The following LVRN variants were observed in gnomAD, a reference collection of about 807,000 sequenced individuals.
LVRN encodes aminopeptidase Q.
Under a neutral mutation model 111.4 loss-of-function variants are expected in LVRN, and 99 were observed. The ratio of observed to expected loss-of-function variants is 0.89; its 90% CI spans 0.76 to 1.05. The LOEUF is 1.05. Ranked by LOEUF, LVRN falls within the 50% of genes least tolerant of loss-of-function variation. The pLI is 0.00. For synonymous variants in LVRN, 488 were observed against 449.5 expected (o/e 1.09, Z -1.08); for missense variants, 1,414 against 1,206.8 (o/e 1.17, Z -2.54).
At chr5:115,964,608 T>G (rs1753163956) in intron 1 of LVRN, among the ~76,000 whole-genome samples, 2 of 152,170 alleles carry the variant, frequency 1.3e-5, no homozygotes, top group African/African-American at 2.4e-5. Flanking sequence ...ACTTTTTTTT[T>G]TTTCTTGCTG....
At chr5:115,996,922 G>A (rs1748125375) in intron 6 of LVRN, among the ~76,000 whole-genome samples, 1 of 152,208 alleles carries the variant, frequency 6.6e-6, no homozygotes, top group Non-Finnish European at 1.5e-5. Flanking sequence ...TCATTCAACA[G>A]ATGATAATTG....
chr5:116,019,457 G>C (rs1748668061), intron 18 of LVRN, among the ~76,000 whole-genome samples: 1 of 152,092 alleles, frequency 6.6e-6, no homozygotes, highest in Non-Finnish European at 1.5e-5. Context: ...GTTCACTCTT[G>C]GTGTTGCACA....
chr5:115,974,349 G>T (rs1753391072), intron 1 of LVRN, among the ~76,000 whole-genome samples: 2 of 152,168 alleles, frequency 1.3e-5, no homozygotes, highest in South Asian at 4.1e-4. Flanking sequence ...AATAGTAAAA[G>T]CGTAACACCT....
chr5:115,997,528 G>C (rs1187251488), intron 6 of LVRN, among the ~76,000 whole-genome samples: 1 of 151,990 alleles, frequency 6.6e-6, no homozygotes. Flanking sequence ...GCAGGGCATG[G>C]TGCTGCACCC....
intron 1 of LVRN, among the ~76,000 whole-genome samples, chr5:115,968,950 G>A (rs1753261175): frequency 6.6e-6 from 1 of 152,186 alleles, no homozygotes; most frequent in Non-Finnish European, 1.5e-5. Context: ...GCCGGGCTCA[G>A]AGGACTGGCC....
At chr5:115,985,118 G>A (rs1747827519) in intron 3 of LVRN, among the ~76,000 whole-genome samples, 1 of 152,186 alleles carries the variant, frequency 6.6e-6, no homozygotes, top group Non-Finnish European at 1.5e-5. Context: ...TTAGCAACCA[G>A]CATGGCCAGG....
intron 1 of LVRN, among the ~76,000 whole-genome samples, chr5:115,969,726 G>A (rs897524246): frequency 6.6e-6 from 1 of 151,154 alleles, no homozygotes; most frequent in Non-Finnish European, 1.5e-5. Context: ...CTTGAACTCG[G>A]GAGGCAGAGG....
At chr5:116,021,017 C>T (rs1432771300) in intron 18 of LVRN, 4 of 152,192 alleles carry the variant, frequency 2.6e-5, no homozygotes, top group African/African-American at 9.6e-5. Flanking sequence ...ATTGCTCTCT[C>T]AACAAGAATG....
At chr5:116,019,185 C>T (rs543688335) in intron 18 of LVRN, among the ~76,000 whole-genome samples, 2 of 152,302 alleles carry the variant, frequency 1.3e-5, no homozygotes, top group East Asian at 1.9e-4. Context: ...AGTAGTAACA[C>T]AGCGACAAGT....
chr5:116,013,838 G>C (rs530288783), intron 15 of LVRN, among the ~76,000 whole-genome samples: 23 of 152,224 alleles, frequency 1.5e-4, no homozygotes, highest in Non-Finnish European at 2.8e-4. Context: ...TTGTTTTGAA[G>C]TACAGTGTAC....
intron 1 of LVRN, chr5:115,976,194 T>A (rs559841024): frequency 2.0e-5 from 3 of 152,460 alleles, no homozygotes; most frequent in African/African-American, 7.2e-5. Context: ...TTTGATTCAG[T>A]TCCTCTGCCA....
intron 6 of LVRN, among the ~76,000 whole-genome samples, chr5:115,996,305 A>T (rs1330735021): frequency 6.6e-6 from 1 of 152,202 alleles, no homozygotes; most frequent in East Asian, 1.9e-4. Context: ...CTTGCCAAAA[A>T]CATATTCCTC....
intron 14 of LVRN, among the ~76,000 whole-genome samples, chr5:116,011,292 T>A (rs1037730077): frequency 2.0e-5 from 3 of 151,970 alleles, no homozygotes; most frequent in African/African-American, 7.2e-5. Flanking sequence ...TGTTTATAAT[T>A]TCAATATTCT....
chr5:115,991,155 G>T (rs551346748), intron 4 of LVRN, among the ~76,000 whole-genome samples: 171 of 152,230 alleles, frequency 1.1e-3, no homozygotes, highest in African/African-American at 3.5e-3. Flanking sequence ...GTATCATACA[G>T]AATAGTTTCA....
At chr5:115,964,469 T>C (rs1753160724) in intron 1 of LVRN, among the ~76,000 whole-genome samples, 1 of 152,176 alleles carries the variant, frequency 6.6e-6, no homozygotes, top group Non-Finnish European at 1.5e-5. Flanking sequence ...CTTGAAAAAA[T>C]AGTTTTGAAA....
chr5:115,984,742 T>C lies in LVRN; in HGVS notation c.978+33T>C. ...AGGAAGATTCTGTAGGTAAGGGAGA[T>C]TGTACTGGCTGCAGATTATTCATCT... On this transcript the variant is annotated intron_variant, in intron 3 of 19. Coordinates refer to ENST00000357872, the MANE Select transcript of LVRN (RefSeq NM_173800.5). 4 of 1,610,884 alleles carry C rather than the reference T, an allele frequency of 2.5e-6. No individual in the cohort carries two copies. In the South Asian group the frequency reaches 4.4e-5, roughly 18 times the overall value.
chr5:115,992,752 G>T (rs996213367), intron 5 of LVRN, among the ~76,000 whole-genome samples: 1 of 152,186 alleles, frequency 6.6e-6, no homozygotes, highest in African/African-American at 2.4e-5. Context: ...CCCTTGAGCT[G>T]CATTCCCAAT....
At chr5:115,966,689 A>G (rs1753210231) in intron 1 of LVRN, among the ~76,000 whole-genome samples, 1 of 152,200 alleles carries the variant, frequency 6.6e-6, no homozygotes, top group African/African-American at 2.4e-5. Flanking sequence ...GCTGCGTCAT[A>G]TGGTAGTTGC....
At position 116,022,462 on chromosome 5, in the gene LVRN, T is replaced by C; in HGVS notation, c.2828T>C (p.Val943Ala). Residue 943 changes from valine to alanine, a missense_variant, in exon 19 of 20, where the codon GTG (valine) becomes GCG (alanine). Val to Ala is a moderately conservative substitution (Grantham distance 64). Coordinates refer to ENST00000357872, the MANE Select transcript of LVRN (RefSeq NM_173800.5). ...GRTVTTDLQI[V>A]ELQQFFSNML... ...ACCGTAACTACAGATTTACAGATTGTGGAGGTAAGTACTTTAAATATTATG... is the reference window on the plus strand; with the variant it reads ...ACCGTAACTACAGATTTACAGATTGCGGAGGTAAGTACTTTAAATATTATG... 1 of 1,539,354 alleles carries C rather than the reference T, an allele frequency of 6.5e-7. No homozygotes were observed. Among genetic ancestry groups the C allele is most frequent in the Non-Finnish European group, 8.9e-7 (1 of 1,128,564 alleles).
Sources: gnomAD v4.1 joint callset for allele counts (sites outside exome capture counted in the v4.1 genomes callset) on GRCh38, gnomAD v4.1.1 for gene constraint, MANE v1.5 for transcripts, NCBI Gene and HGNC (gene_info 2026-07-23, HGNC 2026-07-21) for gene names.